Variants in BICD1 observed in about 807,000 individuals in gnomAD.
BICD1 encodes the protein BICD cargo adaptor 1.
In BICD1, 35 loss-of-function variants were observed where a neutral mutation model predicts 92.5. That is an observed-to-expected ratio of 0.38 (90% CI 0.29 to 0.50). BICD1 has a LOEUF of 0.50. BICD1 is among the 20% of genes least tolerant of loss of function. BICD1 has a pLI of 0.93. For synonymous variants in BICD1, 429 were observed against 465.1 expected (o/e 0.92, Z 1.00); for missense variants, 950 against 1,189.8 (o/e 0.80, Z 2.97).
intron 1 of BICD1, among the ~76,000 whole-genome samples, chr12:32,197,977 G>A (rs1229845684): frequency 1.3e-5 from 2 of 151,970 alleles, no homozygotes; most frequent in African/African-American, 4.8e-5. Context: ...AGGCCAAGGC[G>A]GGTGGATCAC....
chr12:32,217,285 A>AC (rs1347564896), intron 2 of BICD1, among the ~76,000 whole-genome samples: 1 of 152,208 alleles, frequency 6.6e-6, no homozygotes, highest in Admixed American at 6.5e-5. Flanking sequence ...CAGGTCCACA[A>AC]CCAAGTGGGC....
At chr12:32,117,735 CAT>C (rs71064997) in intron 1 of BICD1, among the ~76,000 whole-genome samples, 1,899 of 134,326 alleles carry the variant, frequency 0.014, 14 homozygotes, top group African/African-American at 0.028. Flanking sequence ...CACACACACA[CAT>C]ATATATATAT....
chr12:32,337,441 C>G lies in BICD1; in HGVS notation c.2253-58C>G, dbSNP rs4604975. The G allele has an allele frequency of 0.23, 337,794 of 1,493,284 alleles. 44,351 individuals are homozygous for G. Among genetic ancestry groups the G allele is most frequent in the East Asian group, 0.65 (28,250 of 43,520 alleles). The allele number at this position is 1,493,284 out of a possible 1,614,324, so 92.5% of individuals were successfully genotyped here. On this transcript the variant is annotated intron_variant, in intron 6 of 9. Coordinates refer to ENST00000652176, the MANE Select transcript of BICD1 (RefSeq NM_001714.4). This position sits in a 1 kb window ranked among gnomAD's most constrained non-coding sequence, Gnocchi z 4.7. ...TCAAATTTATTACTTTTCAGCTTAA[C>G]TCCCAAATTCAGTTTCACCAAGATT...
intron 1 of BICD1, among the ~76,000 whole-genome samples, chr12:32,121,885 C>T (rs1046875211): frequency 2.7e-5 from 4 of 150,910 alleles, no homozygotes; most frequent in Admixed American, 2.6e-4. Context: ...GCAATCTCGG[C>T]TCACTGCAGC....
At chr12:32,286,406 TGATA>T (rs1290708242) in intron 2 of BICD1, among the ~76,000 whole-genome samples, 2 of 152,046 alleles carry the variant, frequency 1.3e-5, no homozygotes, top group African/African-American at 4.8e-5. Flanking sequence ...TTCACTCAGT[TGATA>T]GATTTTTCAA....
Position 32,337,314 on chromosome 12 carries a change from T to C in BICD1, c.2253-185T>C, listed in dbSNP as rs948437566. ...ATTTTTTAAAAATGTCCCATATATC[T>C]CATTGTATGGATGAACATATATTCC... On this transcript the variant is annotated intron_variant, in intron 6 of 9. Transcript: ENST00000652176. This position sits in a 1 kb window ranked among gnomAD's most constrained non-coding sequence, Gnocchi z 4.7. 2.0e-5 allele frequency among the ~76,000 whole-genome samples: 3 copies of C among 152,186 alleles called. No individual in the cohort carries two copies. The highest frequency in any genetic ancestry group is 7.2e-5 in the African/African-American group (3 of 41,442).
At chr12:32,151,630 A>C (rs1274899705) in intron 1 of BICD1, among the ~76,000 whole-genome samples, 1 of 152,226 alleles carries the variant, frequency 6.6e-6, no homozygotes, top group Non-Finnish European at 1.5e-5. Flanking sequence ...CAGTTGGTCA[A>C]ATCCTCCCTC....
intron 1 of BICD1, among the ~76,000 whole-genome samples, chr12:32,116,388 T>C (rs929316256): frequency 1.3e-4 from 20 of 152,024 alleles, no homozygotes; most frequent in African/African-American, 4.3e-4. Flanking sequence ...GGTCACTCAG[T>C]TCTAGCCAAG....
chr12:32,203,287 A>G (rs1944957718), intron 1 of BICD1, among the ~76,000 whole-genome samples: 1 of 152,184 alleles, frequency 6.6e-6, no homozygotes, highest in South Asian at 2.1e-4. Flanking sequence ...TGGAGGAGGG[A>G]AGGATTTACA....
intron 4 of BICD1, among the ~76,000 whole-genome samples, chr12:32,311,785 T>A (rs1262152393): frequency 1.3e-5 from 2 of 152,204 alleles, no homozygotes; most frequent in Non-Finnish European, 2.9e-5. Flanking sequence ...CTTAGCTGAT[T>A]ATCTCCTGGA....
intron 3 of BICD1, among the ~76,000 whole-genome samples, chr12:32,301,947 C>T (rs902077571): frequency 2.6e-5 from 4 of 152,078 alleles, no homozygotes; most frequent in Admixed American, 2.0e-4. Flanking sequence ...AGTGCAGTGG[C>T]GCGATCTCGG....
intron 1 of BICD1, among the ~76,000 whole-genome samples, chr12:32,167,130 T>C (rs10771922): frequency 0.12 from 18,708 of 152,242 alleles, 1,569 homozygotes; most frequent in East Asian, 0.34. Flanking sequence ...GATTCTATAT[T>C]ATAAATTCTA....
intron 1 of BICD1, among the ~76,000 whole-genome samples, chr12:32,140,625 A>C (rs1477661870): frequency 6.6e-6 from 1 of 152,154 alleles, no homozygotes; most frequent in Non-Finnish European, 1.5e-5. Flanking sequence ...CATTGAAGGA[A>C]GTGCCATAGT....
chr12:32,137,288 C>T (rs547476845), intron 1 of BICD1, among the ~76,000 whole-genome samples: 6 of 152,112 alleles, frequency 3.9e-5, no homozygotes, highest in Non-Finnish European at 8.8e-5. Context: ...AGGGTTTTGC[C>T]GTGTTTGCCA....
intron 2 of BICD1, among the ~76,000 whole-genome samples, chr12:32,263,976 AT>A (rs1946927848): frequency 6.6e-6 from 1 of 152,200 alleles, no homozygotes; most frequent in Admixed American, 6.5e-5. Context: ...AGAGTAGTTC[AT>A]TTTTTAAAGC....
At chr12:32,210,759 A>C (rs967700973) in intron 1 of BICD1, among the ~76,000 whole-genome samples, 1 of 152,246 alleles carries the variant, frequency 6.6e-6, no homozygotes, top group African/African-American at 2.4e-5. Flanking sequence ...GCAGTACCTA[A>C]AAAGAATTTG....
At chr12:32,354,753 T>A (rs181556363) in intron 8 of BICD1, among the ~76,000 whole-genome samples, 48 of 152,366 alleles carry the variant, frequency 3.2e-4, no homozygotes, top group African/African-American at 1.1e-3. Context: ...TTCATATCAG[T>A]GTACCATTAA....
chr12:32,349,757 A>G (rs564866812), intron 8 of BICD1, among the ~76,000 whole-genome samples: 1 of 152,154 alleles, frequency 6.6e-6, no homozygotes, highest in Non-Finnish European at 1.5e-5. Flanking sequence ...AACTTTTTTG[A>G]TGATTTAAAG....
Position 32,117,711 on chromosome 12 carries a change from T to TATAC in BICD1, c.213+10168_213+10169insTACA, listed in dbSNP as rs1555126355. Reference sequence around the variant, plus strand: ...ATATATATATATACACAAATATATATACACACACACACACACACACACACA... The same window carrying TATAC: ...ATATATATATATACACAAATATATATATACACACACACACACACACACACACACA... On this transcript the variant is annotated intron_variant, in intron 1 of 9. Transcript: ENST00000652176. 4.7e-3 allele frequency among the ~76,000 whole-genome samples: 548 copies of TATAC among 116,998 alleles called. 2 individuals carry two copies. The highest frequency in any genetic ancestry group is 0.015 in the Admixed American group (141 of 9,720). 76.8% of individuals were successfully genotyped at this position (116,998 alleles called of 152,430 possible). A position where few individuals can be genotyped will look rare whatever the true frequency, so the allele number is the denominator to read the frequency against.
Sources: allele counts gnomAD v4.1 joint callset (sites outside exome capture counted in the v4.1 genomes callset), GRCh38; gene constraint gnomAD v4.1.1; non-coding constraint Gnocchi (gnomAD v3.1); transcripts MANE v1.5; gene names NCBI Gene and HGNC (gene_info 2026-07-23, HGNC 2026-07-21).